The following ZPBP variants were observed in gnomAD, a reference collection of about 807,000 sequenced individuals.
ZPBP encodes the protein zona pellucida binding protein.
ZPBP carries 26 observed loss-of-function variants against 44.8 expected under a neutral mutation model. The ratio of observed to expected loss-of-function variants is 0.58; its 90% CI spans 0.43 to 0.81. The LOEUF is 0.81. Among genes scored for constraint, ZPBP ranks in the 30% least tolerant of loss-of-function variants. The pLI is 0.00. For missense variants in ZPBP, 409 were observed against 434.0 expected, an observed-to-expected ratio of 0.94 and a Z score of 0.51; for synonymous variants, 174 against 153.2, an observed-to-expected ratio of 1.14 and a Z score of -1.00.
At chr7:50,089,916 C>G (rs1334638812) in intron 1 of ZPBP, among the ~76,000 whole-genome samples, 2 of 152,092 alleles carry the variant, frequency 1.3e-5, no homozygotes, top group Non-Finnish European at 2.9e-5. Context: ...TATCTCACCT[C>G]TGATTTTTTC....
chr7:49,894,411 G>T (rs1792278890), intron 2 of ZPBP, among the ~76,000 whole-genome samples: 1 of 152,178 alleles, frequency 6.6e-6, no homozygotes. Context: ...ATGATTACAG[G>T]CATGAGCCAC....
chr7:50,030,771 T>C (rs977285104), intron 5 of ZPBP, among the ~76,000 whole-genome samples: 2 of 152,192 alleles, frequency 1.3e-5, no homozygotes, highest in African/African-American at 2.4e-5. Context: ...GTCTATGATA[T>C]TAACCCGTCT....
rs1447539398 is a variant in ZPBP, at chr7:49,872,773, C to T, written n.510-22259G>A. On this transcript the variant is annotated intron_variant and non_coding_transcript_variant, in intron 2 of 2. Transcript: ENST00000465922. ...ATACAAAAAAAAAAAAAAATTAGTC[C>T]GGTGTGGTGGCACACACCTGTAATC... Among the ~76,000 whole-genome samples the T allele has an allele frequency of 4.7e-5, 7 of 149,410 alleles. No homozygotes were observed. In the South Asian group the frequency reaches 6.4e-4, roughly 14 times the overall value.
intron 7 of ZPBP, among the ~76,000 whole-genome samples, chr7:49,977,248 T>G (rs796329114): frequency 3.3e-5 from 5 of 152,186 alleles, no homozygotes; most frequent in African/African-American, 1.2e-4. Flanking sequence ...ATATAATGAT[T>G]CAAAATAAGA....
At chr7:50,020,834 C>A (rs1438292861) in intron 5 of ZPBP, among the ~76,000 whole-genome samples, 1 of 152,028 alleles carries the variant, frequency 6.6e-6, no homozygotes, top group Non-Finnish European at 1.5e-5. Context: ...GCTAAATCAA[C>A]AAAAGATAAC....
intron 1 of ZPBP, among the ~76,000 whole-genome samples, chr7:49,923,611 A>ATTTCTT (rs145589122): frequency 6.6e-6 from 1 of 150,956 alleles, no homozygotes; most frequent in African/African-American, 2.4e-5. Context: ...AAATATGAAA[A>ATTTCTT]CTTCTTCTTC....
intron 2 of ZPBP, among the ~76,000 whole-genome samples, chr7:49,898,704 A>G (rs892945249): frequency 6.6e-6 from 1 of 152,138 alleles, no homozygotes; most frequent in African/African-American, 2.4e-5. Flanking sequence ...GACAATGGAT[A>G]AAAAGAAGAA....
At chr7:49,935,987 A>G (rs904879295), downstream of ZPBP, 1 of 152,194 alleles carries the variant, frequency 6.6e-6, no homozygotes, top group African/African-American at 2.4e-5. Flanking sequence ...TGTAAGTTAA[A>G]TTATTAAAGA....
At chr7:50,082,328 A>C (rs1486354050) in intron 2 of ZPBP, among the ~76,000 whole-genome samples, 1 of 151,920 alleles carries the variant, frequency 6.6e-6, no homozygotes, top group African/African-American at 2.4e-5. Flanking sequence ...ATTCACAATG[A>C]TGTAGCATGA....
intron 5 of ZPBP, among the ~76,000 whole-genome samples, chr7:50,029,454 AG>A (rs1799492411): frequency 6.6e-6 from 1 of 152,222 alleles, no homozygotes; most frequent in African/African-American, 2.4e-5. Flanking sequence ...AAGAAACACA[AG>A]GAAAAAATAG....
At chr7:50,066,209 G>A (rs1801493082) in intron 3 of ZPBP, among the ~76,000 whole-genome samples, 1 of 150,582 alleles carries the variant, frequency 6.6e-6, no homozygotes, top group Admixed American at 6.6e-5. Flanking sequence ...CAAGGAAATA[G>A]GCCTTTTATA....
chr7:49,923,302 A>G (rs1348840543), intron 1 of ZPBP, among the ~76,000 whole-genome samples: 2 of 152,256 alleles, frequency 1.3e-5, no homozygotes, highest in Non-Finnish European at 2.9e-5. Flanking sequence ...AGGCAGCCAG[A>G]GGAAACAGAT....
chr7:49,981,680 TATA>T (rs1452855235), intron 7 of ZPBP, among the ~76,000 whole-genome samples: 6 of 43,868 alleles, frequency 1.4e-4, no homozygotes, highest in South Asian at 8.8e-4. Flanking sequence ...ATATATTATA[TATA>T]ATAATATATA....
intron 7 of ZPBP, among the ~76,000 whole-genome samples, chr7:49,962,874 T>C (rs1795911443): frequency 6.6e-6 from 1 of 151,684 alleles, no homozygotes; most frequent in Admixed American, 6.6e-5. Flanking sequence ...CACAATATCC[T>C]TGGAACATTA....
At chr7:49,906,343 CT>C (rs113516881) in intron 1 of ZPBP, among the ~76,000 whole-genome samples, 1 of 150,926 alleles carries the variant, frequency 6.6e-6, no homozygotes, top group Non-Finnish European at 1.5e-5. Flanking sequence ...AAAATTTTCT[CT>C]TTTTTTTTGA....
intron 6 of ZPBP, among the ~76,000 whole-genome samples, chr7:49,999,240 G>A (rs923625681): frequency 1.4e-5 from 2 of 143,076 alleles, no homozygotes; most frequent in Non-Finnish European, 3.0e-5. Context: ...ATGTGTGTGT[G>A]TCTGTATATA....
chr7:49,974,497 C>T (rs1036135143), intron 7 of ZPBP, among the ~76,000 whole-genome samples: 25 of 151,534 alleles, frequency 1.6e-4, no homozygotes, highest in Admixed American at 5.3e-4. Flanking sequence ...TTTTGGATAA[C>T]GAACAACATA....
downstream of ZPBP, chr7:49,936,121 T>C (rs763153189): frequency 5.3e-5 from 8 of 152,250 alleles, no homozygotes; most frequent in African/African-American, 9.6e-5. Flanking sequence ...CTTTTAGAGA[T>C]GGAGATGTAG....
At chr7:49,845,288 C>T in the ZPBP span, among the ~76,000 whole-genome samples, 1 of 147,380 alleles carries the variant, frequency 6.8e-6, no homozygotes, top group Non-Finnish European at 1.5e-5. Flanking sequence ...ACTTAAAAGT[C>T]GAAGGAAAAA....
Sources: allele counts gnomAD v4.1 joint callset (sites outside exome capture counted in the v4.1 genomes callset), GRCh38; gene constraint gnomAD v4.1.1; transcripts MANE v1.5; gene names NCBI Gene and HGNC (gene_info 2026-07-23, HGNC 2026-07-21).